Variants in LHFPL3 observed in about 807,000 individuals in gnomAD.
The protein encoded by LHFPL3 is LHFPL tetraspan subfamily member 3 protein.
A neutral mutation model predicts 19.3 loss-of-function variants in LHFPL3; 5 were observed. The observed-to-expected ratio is 0.26, with a 90% CI of 0.14 to 0.54. The LOEUF is 0.54. Ranked by LOEUF, LHFPL3 falls within the 20% of genes least tolerant of loss-of-function variation. LHFPL3 has a pLI of 0.94. For missense variants in LHFPL3, 249 were observed against 307.4 expected (o/e 0.81, Z 1.42); for synonymous variants, 133 against 126.2 (o/e 1.05, Z -0.36).
intron 1 of LHFPL3, among the ~76,000 whole-genome samples, chr7:104,727,768 A>C (rs530397666): frequency 1.3e-5 from 2 of 152,324 alleles, no homozygotes; most frequent in African/African-American, 4.8e-5. Context: ...ACTTGGAGTC[A>C]TGTGAGGTTC....
chr7:104,329,510 C>T (rs942545858), intron 1 of LHFPL3, among the ~76,000 whole-genome samples: 4 of 152,244 alleles, frequency 2.6e-5, no homozygotes, highest in African/African-American at 9.6e-5. Context: ...GGGCCGAGTC[C>T]GCTCAGAACT....
chr7:104,748,032 T>G (rs944298606), intron 2 of LHFPL3, among the ~76,000 whole-genome samples: 1 of 152,076 alleles, frequency 6.6e-6, no homozygotes, highest in Non-Finnish European at 1.5e-5. Context: ...GCCTTGAGAT[T>G]CTGTTAATCT....
chr7:104,441,322 C>A (rs1792219908), intron 1 of LHFPL3, among the ~76,000 whole-genome samples: 1 of 152,064 alleles, frequency 6.6e-6, no homozygotes, highest in Non-Finnish European at 1.5e-5. Context: ...CTAAATGGAA[C>A]AAGCCAAGGA....
At chr7:104,753,854 A>C (rs1277089513) in intron 2 of LHFPL3, among the ~76,000 whole-genome samples, 1 of 152,250 alleles carries the variant, frequency 6.6e-6, no homozygotes. Context: ...ATCGGTTTGC[A>C]CCTTTCAGGC....
At chr7:104,421,167 A>G (rs1266852116) in intron 1 of LHFPL3, among the ~76,000 whole-genome samples, 1 of 152,252 alleles carries the variant, frequency 6.6e-6, no homozygotes, top group Non-Finnish European at 1.5e-5. Context: ...AGAAAGGATG[A>G]AATTAGAAAA....
At chr7:104,436,705 A>G (rs1010614521) in intron 1 of LHFPL3, among the ~76,000 whole-genome samples, 2 of 152,236 alleles carry the variant, frequency 1.3e-5, no homozygotes, top group African/African-American at 2.4e-5. Context: ...TGCATTTACT[A>G]AATCATGATG....
chr7:104,330,837 G>A (rs936742974), intron 1 of LHFPL3, among the ~76,000 whole-genome samples: 1 of 152,070 alleles, frequency 6.6e-6, no homozygotes, highest in African/African-American at 2.4e-5. Context: ...CATGTATTAT[G>A]GCTGTTCTTG....
rs547095267 is a variant in LHFPL3 at position 104,395,804 on chromosome 7, C to T, written c.445+66580C>T. ...GGACTAAGTCACAATGCTATTTATT[C>T]TTTATTTTCTAACGTTTATGATGTT... On this transcript the variant is annotated intron_variant, in intron 1 of 2. Transcript: ENST00000424859. Among the ~76,000 whole-genome samples the T allele has an allele frequency of 3.3e-5, 5 of 152,244 alleles. No homozygotes were observed. In the South Asian group the frequency reaches 6.2e-4, roughly 19 times the overall value.
intron 1 of LHFPL3, among the ~76,000 whole-genome samples, chr7:104,663,607 A>G (rs1261991608): frequency 1.3e-5 from 2 of 152,370 alleles, no homozygotes; most frequent in Non-Finnish European, 2.9e-5. Context: ...CCTTATTGTC[A>G]TGGGAAGCCA....
At chr7:104,610,146 T>C (rs1032402609) in intron 1 of LHFPL3, among the ~76,000 whole-genome samples, 7 of 152,320 alleles carry the variant, frequency 4.6e-5, no homozygotes, top group African/African-American at 1.7e-4. Flanking sequence ...ATACAATAAG[T>C]CAAAACTTTG....
chr7:104,588,576 C>G (rs1317874710), intron 1 of LHFPL3, among the ~76,000 whole-genome samples: 3 of 152,112 alleles, frequency 2.0e-5, no homozygotes, highest in African/African-American at 7.2e-5. Flanking sequence ...GTTCTTTTGG[C>G]TTAGGATTGA....
chr7:104,668,774 G>A (rs1792414654), intron 1 of LHFPL3: 1 of 1,608,522 alleles, frequency 6.2e-7, no homozygotes, highest in Non-Finnish European at 8.5e-7. Context: ...TCCTAAGGAA[G>A]ATGATTCCTC....
intron 2 of LHFPL3, among the ~76,000 whole-genome samples, chr7:104,792,535 G>A (rs1220088904): frequency 1.3e-5 from 2 of 152,098 alleles, no homozygotes; most frequent in Non-Finnish European, 2.9e-5. Context: ...GCTGCCTCTG[G>A]GTAAGAGAGT....
At chr7:104,434,240 G>T (rs996322176) in intron 1 of LHFPL3, among the ~76,000 whole-genome samples, 1 of 152,192 alleles carries the variant, frequency 6.6e-6, no homozygotes, top group East Asian at 1.9e-4. Context: ...TAGAGCTAGG[G>T]CATAAAAAAG....
At chr7:104,804,346 G>C (rs1208666644) in intron 2 of LHFPL3, among the ~76,000 whole-genome samples, 1 of 152,196 alleles carries the variant, frequency 6.6e-6, no homozygotes, top group Non-Finnish European at 1.5e-5. Flanking sequence ...ATAATTACCA[G>C]AAGGAGGAAT....
At chr7:104,386,578 C>T (rs1480350298) in intron 1 of LHFPL3, among the ~76,000 whole-genome samples, 1 of 152,186 alleles carries the variant, frequency 6.6e-6, no homozygotes, top group Non-Finnish European at 1.5e-5. Flanking sequence ...AGAAAATGCC[C>T]TAATTTCTCA....
chr7:104,332,880 A>G (rs1337238162), intron 1 of LHFPL3, among the ~76,000 whole-genome samples: 1 of 152,038 alleles, frequency 6.6e-6, no homozygotes, highest in Non-Finnish European at 1.5e-5. Flanking sequence ...AAAATAATAC[A>G]TAAAATAATG....
intron 1 of LHFPL3, among the ~76,000 whole-genome samples, chr7:104,636,448 G>T (rs1005905855): frequency 2.0e-5 from 3 of 152,046 alleles, no homozygotes; most frequent in Non-Finnish European, 4.4e-5. Context: ...TGTTTCACAG[G>T]GGTTTGGTGT....
chr7:104,521,267 A>T (rs1389735491), intron 1 of LHFPL3, among the ~76,000 whole-genome samples: 1 of 151,984 alleles, frequency 6.6e-6, no homozygotes, highest in Admixed American at 6.6e-5. Context: ...TTTGAGTGAG[A>T]TTCTTAATCC....
Sources: gnomAD v4.1 joint callset for allele counts (sites outside exome capture counted in the v4.1 genomes callset) on GRCh38, gnomAD v4.1.1 for gene constraint, MANE v1.5 for transcripts, NCBI Gene and HGNC (gene_info 2026-07-23, HGNC 2026-07-21) for gene names.